Variants in PGM1 observed in about 807,000 individuals in gnomAD.
PGM1 encodes the protein phosphoglucomutase-1.
In PGM1, 52 loss-of-function variants were observed where a neutral mutation model predicts 55.6. The observed-to-expected ratio is 0.94, with a 90% CI of 0.75 to 1.18. The LOEUF is 1.18. Among genes scored for constraint, PGM1 ranks in the 50% most tolerant of loss-of-function variants. The pLI, the probability that PGM1 is intolerant of heterozygous loss-of-function variation, is 0.00. For synonymous variants in PGM1, 287 were observed against 271.7 expected, an observed-to-expected ratio of 1.06 and a Z score of -0.55; for missense variants, 724 against 729.3, an observed-to-expected ratio of 0.99 and a Z score of 0.08.
chr1:63,640,348 G>A (rs903703859), intron 7 of PGM1, among the ~76,000 whole-genome samples: 3 of 152,128 alleles, frequency 2.0e-5, no homozygotes, highest in African/African-American at 7.2e-5. Context: ...TCCATGAGAG[G>A]GTTCTAGGGG....
At chr1:63,637,916 T>G (rs1021631426) in intron 6 of PGM1, among the ~76,000 whole-genome samples, 14 of 152,236 alleles carry the variant, frequency 9.2e-5, no homozygotes, top group African/African-American at 3.4e-4. Context: ...ATTGCTTTCC[T>G]GGAAATAAGG....
intron 7 of PGM1, among the ~76,000 whole-genome samples, chr1:63,645,628 A>C (rs998514141): frequency 1.3e-5 from 2 of 152,204 alleles, no homozygotes; most frequent in African/African-American, 4.8e-5. Context: ...TTAGGTAAAC[A>C]TTTTTAAAAT....
In PGM1 at chr1:63,654,369, T is replaced by C; in HGVS notation, c.1502T>C (p.Val501Ala). The C allele has an allele frequency of 6.2e-7, 1 of 1,614,092 alleles. No homozygotes were observed. Among genetic ancestry groups the C allele is most frequent in the Non-Finnish European group, 8.5e-7 (1 of 1,179,932 alleles). ...RLIFTDGSRIVFRLSGTGSAG... is the reference protein window; with the variant it reads ...RLIFTDGSRIAFRLSGTGSAG... ...ATTTTCACAGATGGTTCTCGAATCG[T>C]CTTCCGACTGAGCGGCACTGGGAGT... Residue 501 changes from valine (V) to alanine (A), a missense_variant, in exon 10 of 11, where the codon GTC becomes GCC. Coordinates refer to ENST00000371084, the MANE Select transcript of PGM1 (RefSeq NM_002633.3).
intron 7 of PGM1, among the ~76,000 whole-genome samples, chr1:63,640,072 G>A (rs552937766): frequency 6.6e-6 from 1 of 152,292 alleles, no homozygotes; most frequent in South Asian, 2.1e-4. Flanking sequence ...TAATGGGCAT[G>A]GTGCCATGCT....
intron 10 of PGM1, among the ~76,000 whole-genome samples, chr1:63,656,652 AAATCTTGCC>A (rs1195646468): frequency 6.6e-6 from 1 of 151,996 alleles, no homozygotes; most frequent in East Asian, 1.9e-4. Context: ...ACAAAAACCA[AAATCTTGCC>A]AATCTTGCCA....
Position 63,629,577 on chromosome 1 carries a change from T to G in PGM1, c.399T>G (p.Ile133Met). Reference sequence around the variant, plus strand: ...GAGATTTTGGAATCAAATTCAATATTTCTAATGGAGGTGAGTTTGCTGTCA... The same window carrying G: ...GAGATTTTGGAATCAAATTCAATATGTCTAATGGAGGTGAGTTTGCTGTCA... ...PNGDFGIKFN[I>M]SNGGPAPEAI... The change falls in exon 2 of 11, where the codon ATT becomes ATG. Residue 133 changes from isoleucine (I) to methionine (M), a missense_variant. Ile to Met is a conservative substitution (Grantham distance 10, BLOSUM62 1). This residue lies in a region of PGM1 where 379 missense variants were observed against 357.5 expected (regional missense o/e 1.06). Transcript: ENST00000371084. The G allele has an allele frequency of 6.2e-7, 1 of 1,613,732 alleles. No individual in the cohort carries two copies.
chr1:63,604,952 TG>T lies in PGM1; in HGVS notation c.246+11219del, dbSNP rs1557703404. On this transcript the variant is annotated intron_variant, in intron 1 of 10. Transcript: ENST00000371084. ...GTGTGTGTGTGTGTGTGTGTGTGTG[TG>T]TGTGTGTAAAGAGAGGGGATATAGT... Among the ~76,000 whole-genome samples the T allele has an allele frequency of 2.9e-3, 410 of 141,404 alleles. 5 individuals carry two copies. Among genetic ancestry groups the T allele is most frequent in the African/African-American group, 0.011 (371 of 34,004 alleles). The allele number at this position is 141,404 out of a possible 152,430, so 92.8% of individuals were successfully genotyped here.
intron 4 of PGM1, 138 bp downstream of exon 4, chr1:63,631,920 C>G: frequency 1.2e-6 from 1 of 831,560 alleles, no homozygotes; most frequent in Non-Finnish European, 2.0e-6. Context: ...GCAACCAGAG[C>G]AATATTCACA....
At chr1:63,643,067 C>G (rs1649559356) in intron 7 of PGM1, among the ~76,000 whole-genome samples, 1 of 152,170 alleles carries the variant, frequency 6.6e-6, no homozygotes, top group African/African-American at 2.4e-5. Flanking sequence ...TGTAGGAGAT[C>G]AGATTTTCTT....
chr1:63,631,585 T>C (rs1052888367), intron 3 of PGM1, 72 bp from the exon 4 acceptor site: 1 of 1,427,906 alleles, frequency 7.0e-7, no homozygotes, highest in African/African-American at 1.4e-5. Context: ...TACAGCAATA[T>C]AGTCACATCA....
At chr1:63,604,048 GC>G (rs1396655706) in intron 1 of PGM1, among the ~76,000 whole-genome samples, 10 of 152,084 alleles carry the variant, frequency 6.6e-5, no homozygotes, top group Non-Finnish European at 1.5e-4. Context: ...GAGCACTTAT[GC>G]CCTGTGCCTT....
chr1:63,644,551 A>G (rs1233753101), intron 7 of PGM1, among the ~76,000 whole-genome samples: 1 of 152,220 alleles, frequency 6.6e-6, no homozygotes, highest in Non-Finnish European at 1.5e-5. Context: ...ATTATTTTTA[A>G]AAGCATAATA....
At chr1:63,623,643 A>G (rs1648944944) in intron 1 of PGM1, 2 of 1,612,564 alleles carry the variant, frequency 1.2e-6, no homozygotes, top group Non-Finnish European at 1.7e-6. Context: ...TCCAGAGTAT[A>G]TTCTTTTCCA....
In PGM1 at chr1:63,659,887, T is replaced by G; in HGVS notation, c.*212T>G. The stretch of plus-strand genomic sequence containing the variant: ...AAGAGGACCTGCGGGCTTAGATCAA[T>G]CTCAATTCCTTTTCATGCCCTCCTG... On this transcript the variant is annotated 3_prime_UTR_variant, in exon 11 of 11. Coordinates refer to ENST00000371084, the MANE Select transcript of PGM1 (RefSeq NM_002633.3). The G allele has an allele frequency of 1.6e-6, 1 of 626,554 alleles. No individual in the cohort carries two copies. Among genetic ancestry groups the G allele is most frequent in the Non-Finnish European group, 2.9e-6 (1 of 345,676 alleles). 38.8% of individuals were successfully genotyped at this position (626,554 alleles called of 1,614,324 possible).
At chr1:63,646,109 AAG>A (rs1431000478) in intron 7 of PGM1, among the ~76,000 whole-genome samples, 1 of 152,140 alleles carries the variant, frequency 6.6e-6, no homozygotes, top group East Asian at 1.9e-4. Flanking sequence ...TGAAAAGATG[AAG>A]AGAGGAAGGA....
intron 7 of PGM1, among the ~76,000 whole-genome samples, chr1:63,643,309 G>C (rs186585982): frequency 8.5e-5 from 13 of 152,328 alleles, no homozygotes; most frequent in African/African-American, 2.9e-4. Context: ...GATACGCCTT[G>C]TGCATCTTGG....
In PGM1 at chr1:63,623,200, C is replaced by T. The variant is rs988251811; in HGVS notation, c.247-6225C>T. Reference sequence around the variant, plus strand: ...AGGGTATTTGGCTTGGTTAAGTGGGCAGAAGTGTCCTCATCAAAACAACTT... The same window carrying T: ...AGGGTATTTGGCTTGGTTAAGTGGGTAGAAGTGTCCTCATCAAAACAACTT... On this transcript the variant is annotated intron_variant, in intron 1 of 10. Coordinates refer to ENST00000371084, the MANE Select transcript of PGM1 (RefSeq NM_002633.3). The T allele has an allele frequency of 3.2e-5, 42 of 1,302,372 alleles. No individual in the cohort carries two copies. The African/African-American group carries it at 4.9e-4, about 15-fold the overall frequency. The allele number at this position is 1,302,372 out of a possible 1,614,324, so 80.7% of individuals were successfully genotyped here.
chr1:63,611,983 G>A (rs1485024285), intron 1 of PGM1, among the ~76,000 whole-genome samples: 1 of 152,164 alleles, frequency 6.6e-6, no homozygotes, highest in African/African-American at 2.4e-5. Context: ...TGGACGTGGT[G>A]GCTCACGCCT....
chr1:63,604,959 G>GTGTGTGTGTGTGTATT (rs58900430), intron 1 of PGM1, among the ~76,000 whole-genome samples: 5 of 134,294 alleles, frequency 3.7e-5, no homozygotes, highest in African/African-American at 1.5e-4. Flanking sequence ...GTGTGTGTGT[G>GTGTGTGTGTGTGTATT]TAAAGAGAGG....
Sources: allele counts gnomAD v4.1 joint callset (sites outside exome capture counted in the v4.1 genomes callset), GRCh38; gene constraint gnomAD v4.1.1; regional missense constraint gnomAD v4.1.1; transcripts MANE v1.5; gene names NCBI Gene and HGNC (gene_info 2026-07-23, HGNC 2026-07-21).